Variants in TRAPPC9 observed in about 807,000 individuals in gnomAD.
TRAPPC9 encodes IKK2 binding protein.
A neutral mutation model predicts 124.0 loss-of-function variants in TRAPPC9; 83 were observed. The observed-to-expected ratio is 0.67, with a 90% CI of 0.56 to 0.80. The LOEUF is 0.80. TRAPPC9 is among the 30% of genes least tolerant of loss of function. TRAPPC9 has a pLI of 0.00. For missense variants in TRAPPC9, 1,302 were observed against 1,508.3 expected (o/e 0.86, Z 2.27); for synonymous variants, 638 against 617.5 (o/e 1.03, Z -0.49).
intron 15 of TRAPPC9, among the ~76,000 whole-genome samples, chr8:140,261,388 G>A (rs1054563915): frequency 2.0e-5 from 3 of 152,136 alleles, no homozygotes; most frequent in African/African-American, 4.8e-5. Context: ...AAATGGTATC[G>A]GGGCTACAGG....
intron 21 of TRAPPC9, among the ~76,000 whole-genome samples, chr8:139,777,946 C>G (rs1821506632): frequency 6.6e-6 from 1 of 151,332 alleles, no homozygotes. Flanking sequence ...GTTTACAGGA[C>G]AGAATACTGG....
At chr8:139,914,332 G>A (rs1406888818) in intron 19 of TRAPPC9, among the ~76,000 whole-genome samples, 1 of 152,236 alleles carries the variant, frequency 6.6e-6, no homozygotes, top group African/African-American at 2.4e-5. Flanking sequence ...CCCAGGTGCT[G>A]GAAGGTAAGG....
intron 17 of TRAPPC9, among the ~76,000 whole-genome samples, chr8:140,038,678 G>A (rs1343201903): frequency 3.3e-5 from 5 of 152,202 alleles, no homozygotes; most frequent in African/African-American, 9.6e-5. Context: ...CAGGCATGAC[G>A]GCGGCCAGGG....
chr8:140,104,434 C>A lies in TRAPPC9; in HGVS notation c.2557-80355G>T, dbSNP rs973984583. 6.6e-6 allele frequency among the ~76,000 whole-genome samples: 1 copy of A among 152,170 alleles called. No individual in the cohort carries two copies. Among genetic ancestry groups the A allele is most frequent in the African/African-American group, 2.4e-5 (1 of 41,428 alleles). On this transcript the variant is annotated intron_variant, in intron 17 of 22. Coordinates refer to ENST00000438773, the MANE Select transcript of TRAPPC9 (RefSeq NM_001160372.4). The surrounding 1 kb of genome is among the most constrained non-coding windows in gnomAD (Gnocchi z 4.0). ...GAGACCCTGCGATCTCTGAGATACT[C>A]ACAGGCCCGTGCGATAGTTGGATAT...
At chr8:140,377,805 G>C (rs1212734367) in intron 7 of TRAPPC9, among the ~76,000 whole-genome samples, 1 of 152,054 alleles carries the variant, frequency 6.6e-6, no homozygotes, top group Non-Finnish European at 1.5e-5. Flanking sequence ...ATGATGTGTT[G>C]TCAGATTAGA....
At chr8:139,973,668 G>A (rs888187199) in intron 19 of TRAPPC9, among the ~76,000 whole-genome samples, 2 of 152,196 alleles carry the variant, frequency 1.3e-5, no homozygotes, top group African/African-American at 2.4e-5. Context: ...CGCTGACCCC[G>A]GAAGGCACGG....
In TRAPPC9 at chr8:140,132,639, G is replaced by A. The variant is rs556447088; in HGVS notation, c.2556+88820C>T. Reference sequence around the variant, plus strand: ...CCAACAAGCACTCACCAAGTGAACCGAAAAGACCTTAGCCCTGGAGACCTC... The same window carrying A: ...CCAACAAGCACTCACCAAGTGAACCAAAAAGACCTTAGCCCTGGAGACCTC... On this transcript the variant is annotated intron_variant, in intron 17 of 22. Coordinates refer to ENST00000438773, the MANE Select transcript of TRAPPC9 (RefSeq NM_001160372.4). Among the ~76,000 whole-genome samples, 339 of 152,276 alleles carry A rather than the reference G, an allele frequency of 2.2e-3. 1 individual carries two copies. The highest frequency in any genetic ancestry group is 3.1e-3 in the Non-Finnish European group (212 of 68,032).
At chr8:140,430,606 T>C (rs1005630902) in intron 4 of TRAPPC9, among the ~76,000 whole-genome samples, 1 of 152,202 alleles carries the variant, frequency 6.6e-6, no homozygotes, top group Non-Finnish European at 1.5e-5. Context: ...ATGCCCATTT[T>C]TCTGCATCCC....
chr8:140,174,077 A>C (rs1017031254), intron 17 of TRAPPC9, among the ~76,000 whole-genome samples: 1 of 152,222 alleles, frequency 6.6e-6, no homozygotes, highest in African/African-American at 2.4e-5. Flanking sequence ...GGGCAAGAAG[A>C]AAAGTGGAGA....
At chr8:140,048,895 G>A (rs551275437) in intron 17 of TRAPPC9, among the ~76,000 whole-genome samples, 9 of 152,256 alleles carry the variant, frequency 5.9e-5, no homozygotes, top group African/African-American at 1.2e-4. Flanking sequence ...CCCTCTAGTC[G>A]AAGGCAGGAA....
chr8:140,264,312 C>T (rs1055170699), intron 15 of TRAPPC9, among the ~76,000 whole-genome samples: 4 of 152,024 alleles, frequency 2.6e-5, no homozygotes, highest in South Asian at 2.1e-4. Flanking sequence ...AGGTGCTTCT[C>T]GCACTCTTGC....
chr8:139,841,664 A>G (rs1003149872), intron 21 of TRAPPC9, among the ~76,000 whole-genome samples: 1 of 152,200 alleles, frequency 6.6e-6, no homozygotes, highest in Non-Finnish European at 1.5e-5. Context: ...TGGATGCAGG[A>G]GCTCCTGGTG....
In TRAPPC9 at chr8:140,376,608, G is replaced by A. The variant is rs923801454; in HGVS notation, c.1135-5428C>T. 4.1e-4 allele frequency among the ~76,000 whole-genome samples: 62 copies of A among 150,700 alleles called. 1 individual carries two copies. Among genetic ancestry groups the A allele is most frequent in the African/African-American group, 1.5e-3 (60 of 40,964 alleles). ...CACAGTGTTGAGGCCAGGCAACGTGGCTCATGCCGATAATCTCAGCACTTT... is the reference window on the plus strand; with the variant it reads ...CACAGTGTTGAGGCCAGGCAACGTGACTCATGCCGATAATCTCAGCACTTT... On this transcript the variant is annotated intron_variant, in intron 7 of 22. Transcript: ENST00000438773.
chr8:139,805,762 T>C lies in TRAPPC9; in HGVS notation c.3056-73560A>G, dbSNP rs573767750. On this transcript the variant is annotated intron_variant, in intron 21 of 22. Coordinates refer to ENST00000438773, the MANE Select transcript of TRAPPC9 (RefSeq NM_001160372.4). ...AAAGATCAACCACAGACCCAGAGAA[T>C]GCGGCCTCAGAGAACAGCTATTAAG... Among the ~76,000 whole-genome samples, 5 of 152,254 alleles carry C rather than the reference T, an allele frequency of 3.3e-5. No homozygotes were observed. In the South Asian group the frequency reaches 1.0e-3, roughly 32 times the overall value.
intron 21 of TRAPPC9, among the ~76,000 whole-genome samples, chr8:139,803,012 G>T (rs1334858764): frequency 1.3e-5 from 2 of 152,024 alleles, no homozygotes; most frequent in African/African-American, 4.8e-5. Flanking sequence ...TATGTTGTGT[G>T]TGCATCCGTA....
At chr8:140,248,959 T>A (rs2064052869) in intron 16 of TRAPPC9, among the ~76,000 whole-genome samples, 1 of 152,236 alleles carries the variant, frequency 6.6e-6, no homozygotes, top group Non-Finnish European at 1.5e-5. Flanking sequence ...TTGAAAAATA[T>A]CGAGCCTACA....
intron 17 of TRAPPC9, among the ~76,000 whole-genome samples, chr8:140,052,781 C>CAA (rs34703292): frequency 2.2e-5 from 3 of 134,756 alleles, no homozygotes; most frequent in Non-Finnish European, 3.2e-5. Context: ...GACTCCGTCT[C>CAA]AAAAAAAAAA....
At chr8:140,161,802 A>G (rs1339531272) in intron 17 of TRAPPC9, among the ~76,000 whole-genome samples, 2 of 151,670 alleles carry the variant, frequency 1.3e-5, no homozygotes, top group African/African-American at 4.8e-5. Context: ...GAGAGGGGAG[A>G]ATGGGAGGGA....
chr8:140,369,281 A>C (rs2132230126), intron 8 of TRAPPC9, among the ~76,000 whole-genome samples: 1 of 152,320 alleles, frequency 6.6e-6, no homozygotes, highest in Admixed American at 6.5e-5. Flanking sequence ...CGTAAGTTAG[A>C]AGCAGGCTCT....
Sources: gnomAD v4.1 joint callset for allele counts (sites outside exome capture counted in the v4.1 genomes callset) on GRCh38, gnomAD v4.1.1 for gene constraint, Gnocchi (gnomAD v3.1) non-coding constraint, MANE v1.5 for transcripts, NCBI Gene and HGNC (gene_info 2026-07-23, HGNC 2026-07-21) for gene names.